The following THADA variants were observed in gnomAD, a reference collection of about 807,000 sequenced individuals.
The protein encoded by THADA is tRNA (32-2'-O)-methyltransferase regulator THADA.
Under a neutral mutation model 219.8 loss-of-function variants are expected in THADA, and 213 were observed. That is an observed-to-expected ratio of 0.97 (90% CI 0.87 to 1.09). The LOEUF (loss-of-function observed/expected upper bound fraction) is 1.09, where lower values mean the gene tolerates loss of function less well. Ranked by LOEUF, THADA falls within the 50% of genes least tolerant of loss-of-function variation. THADA has a pLI of 0.00. For synonymous variants in THADA, 1,018 were observed against 828.9 expected (o/e 1.23, Z -3.92); for missense variants, 2,956 against 2,311.3 (o/e 1.28, Z -5.72).
intron 25 of THADA, among the ~76,000 whole-genome samples, chr2:43,486,139 A>G (rs916930488): frequency 5.3e-5 from 8 of 152,180 alleles, no homozygotes; most frequent in Non-Finnish European, 1.2e-4. Context: ...CAGGTAATTA[A>G]TATGGCTAAG....
chr2:43,421,933 T>C (rs943268876), intron 28 of THADA, among the ~76,000 whole-genome samples: 2 of 152,328 alleles, frequency 1.3e-5, no homozygotes. Flanking sequence ...AACAAAAATG[T>C]ACAAATATTG....
Position 43,574,557 on chromosome 2 carries a change from C to G in THADA, c.1508G>C (p.Arg503Thr), listed in dbSNP as rs745668829. ...YASDLLETMF[R>T]NHKSHLKSQT... is the part of the protein sequence containing the mutation. ...GGATTTCAAATGACTCTTATGATTT[C>G]TAAACATGGTTTCCAAGAGGTCACT... The change falls in exon 11 of 38, where the codon AGA (arginine) becomes ACA (threonine). Residue 503 changes from arginine to threonine, a missense_variant. Transcript: ENST00000405975. The G allele has an allele frequency of 1.9e-6, 3 of 1,613,996 alleles. No individual in the cohort carries two copies. Among genetic ancestry groups the G allele is most frequent in the South Asian group, 2.2e-5 (2 of 91,084 alleles).
chr2:43,296,465 A>G (rs1675397728), intron 31 of THADA, among the ~76,000 whole-genome samples: 1 of 151,734 alleles, frequency 6.6e-6, no homozygotes, highest in South Asian at 2.1e-4. Context: ...TAGTAGAGAC[A>G]GGGTTTCACC....
chr2:43,473,618 CT>C (rs990782649), intron 26 of THADA, among the ~76,000 whole-genome samples: 5 of 147,892 alleles, frequency 3.4e-5, no homozygotes, highest in Admixed American at 1.3e-4. Context: ...ACATGTTAGG[CT>C]TTTTTTTTTG....
intron 1 of THADA, chr2:43,595,609 G>A (rs1209601434): frequency 6.6e-6 from 1 of 152,342 alleles, no homozygotes; most frequent in Non-Finnish European, 1.5e-5. Flanking sequence ...AGGCCAGAAG[G>A]TGCCCAGTAA....
chr2:43,515,277 AAT>A (rs1691487329), intron 22 of THADA, among the ~76,000 whole-genome samples: 2 of 3,778 alleles, frequency 5.3e-4, no homozygotes, highest in South Asian at 2.8e-3. Context: ...TATAATATAT[AAT>A]ATATTATATA....
chr2:43,315,036 G>C (rs186022402), intron 31 of THADA, among the ~76,000 whole-genome samples: 100 of 152,162 alleles, frequency 6.6e-4, no homozygotes, highest in African/African-American at 2.3e-3. Context: ...GCCCTTCAAC[G>C]TGGTTCTAAG....
At chr2:43,442,502 T>C (rs1355187992) in intron 26 of THADA, among the ~76,000 whole-genome samples, 1 of 151,936 alleles carries the variant, frequency 6.6e-6, no homozygotes, top group Non-Finnish European at 1.5e-5. Flanking sequence ...AAGACTGGAT[T>C]AAAAAGGAGA....
chr2:43,419,948 A>G (rs761019262), intron 28 of THADA, among the ~76,000 whole-genome samples: 3 of 152,240 alleles, frequency 2.0e-5, no homozygotes, highest in Non-Finnish European at 4.4e-5. Flanking sequence ...ATAGCAAACC[A>G]TTTATTTTGT....
intron 28 of THADA, among the ~76,000 whole-genome samples, chr2:43,404,655 T>C (rs1277573813): frequency 2.6e-5 from 4 of 152,168 alleles, no homozygotes; most frequent in Admixed American, 2.6e-4. Flanking sequence ...CATCATCATG[T>C]CTGCTAGACT....
intron 26 of THADA, among the ~76,000 whole-genome samples, chr2:43,450,370 G>A (rs72613901): frequency 0.089 from 13,492 of 152,050 alleles, 789 homozygotes; most frequent in East Asian, 0.19. Context: ...GGGTAGAGAC[G>A]AAGCCATATA....
At chr2:43,437,646 G>A (rs920608442) in intron 26 of THADA, among the ~76,000 whole-genome samples, 1 of 152,216 alleles carries the variant, frequency 6.6e-6, no homozygotes, top group African/African-American at 2.4e-5. Context: ...AGATGCTGTT[G>A]AGAGACAAGA....
rs1212258032 is a variant in THADA, at chr2:43,527,935, T to A, written c.3318A>T (p.Arg1106Ser). The A allele has an allele frequency of 2.5e-6, 4 of 1,613,830 alleles. No homozygotes were observed. In the Admixed American group the frequency reaches 5.0e-5, roughly 20 times the overall value. The change falls in exon 22 of 38, where the codon AGA (arginine) becomes AGT (serine). Residue 1106 changes from arginine to serine, a missense_variant. Transcript: ENST00000405975. ...CAGTATAAGCCAATTCAAATGCTCC[T>A]CTGTGCCTGGACTGCAAAAGGTGTT... ...FKQHLLQSRH[R>S]GAFELAYTGF...
chr2:43,523,800 C>T (rs1014107275), intron 22 of THADA, among the ~76,000 whole-genome samples: 1 of 152,098 alleles, frequency 6.6e-6, no homozygotes, highest in Non-Finnish European at 1.5e-5. Context: ...ACAAGTAAAG[C>T]AATTCGAATA....
chr2:43,508,591 T>C (rs1195589812), intron 23 of THADA, 57 bp downstream of exon 23: 3 of 1,567,510 alleles, frequency 1.9e-6, no homozygotes, highest in Non-Finnish European at 2.6e-6. Context: ...CAGGTTAGGA[T>C]ACACTATCAT....
intron 26 of THADA, among the ~76,000 whole-genome samples, chr2:43,457,014 T>G (rs1011091708): frequency 1.3e-5 from 2 of 152,100 alleles, no homozygotes; most frequent in African/African-American, 4.8e-5. Context: ...TTTGAAGGAA[T>G]CAAACACTAA....
At position 43,571,742 on chromosome 2, in the gene THADA, C is replaced by G; in HGVS notation, c.2029G>C (p.Gly677Arg). 4 of 1,613,910 alleles carry G rather than the reference C, an allele frequency of 2.5e-6. No homozygotes were observed. The highest frequency in any genetic ancestry group is 3.4e-6 in the Non-Finnish European group (4 of 1,179,858). Residue 677 changes from glycine to arginine, a missense_variant, in exon 13 of 38, where the codon GGA becomes CGA. Transcript: ENST00000405975. The part of the protein sequence containing the change: ...ITYNLNSQSP[G>R]VRQQICSLLK... ...AGAGAACAGATCTGTTGCCGCACTC[C>G]TGGAGACTGGCTGTTAAGATTGTAT...
Position 43,488,982 on chromosome 2 carries a change from C to T in THADA, c.3745-3657G>A, listed in dbSNP as rs986475046. Among the ~76,000 whole-genome samples, 3 of 152,022 alleles carry T rather than the reference C, an allele frequency of 2.0e-5. No individual in the cohort carries two copies. The South Asian group carries it at 6.2e-4, about 32-fold the overall frequency. On this transcript the variant is annotated intron_variant, in intron 25 of 37. Coordinates refer to ENST00000405975, the MANE Select transcript of THADA (RefSeq NM_022065.5). The stretch of plus-strand genomic sequence containing the variant: ...CCTATCTTTTTTGGAGATAAATATT[C>T]TTTGTCCATTTTAAAATTGGGTTGT...
intron 22 of THADA, among the ~76,000 whole-genome samples, chr2:43,515,364 A>T (rs181680672): frequency 2.7e-5 from 2 of 72,846 alleles, no homozygotes; most frequent in South Asian, 3.6e-4. Context: ...TATATAATAT[A>T]TAATATATAA....
Sources: gnomAD v4.1 joint callset for allele counts (sites outside exome capture counted in the v4.1 genomes callset) on GRCh38, gnomAD v4.1.1 for gene constraint, MANE v1.5 for transcripts, NCBI Gene and HGNC (gene_info 2026-07-23, HGNC 2026-07-21) for gene names.